Variants in DNAJA3 observed in about 807,000 individuals in gnomAD.
DNAJA3 encodes the protein dnaJ homolog subfamily A member 3, mitochondrial.
A neutral mutation model predicts 54.9 loss-of-function variants in DNAJA3; 29 were observed. That is an observed-to-expected ratio of 0.53 (90% CI 0.39 to 0.72). The LOEUF (loss-of-function observed/expected upper bound fraction) is 0.72. Ranked by LOEUF, DNAJA3 falls within the 30% of genes least tolerant of loss-of-function variation. The pLI is 0.00. For synonymous variants in DNAJA3, 302 were observed against 251.4 expected, an observed-to-expected ratio of 1.20 and a Z score of -1.90; for missense variants, 708 against 639.4, an observed-to-expected ratio of 1.11 and a Z score of -1.16.
intron 2 of DNAJA3, 91 bp from the exon 3 acceptor site, chr16:4,437,311 A>G: frequency 9.3e-7 from 1 of 1,073,974 alleles, no homozygotes; most frequent in East Asian, 2.5e-5. Context: ...TATGACTGGT[A>G]TTTGGGGTTC....
chr16:4,444,811 A>G, intron 7 of DNAJA3, 83 bp downstream of exon 7: 1 of 1,250,298 alleles, frequency 8.0e-7, no homozygotes, highest in Non-Finnish European at 1.1e-6. Context: ...CATGTAATCA[A>G]AGCTTCACAG....
Position 4,426,284 on chromosome 16 carries a change from G to C in DNAJA3, c.211+192G>C, listed in dbSNP as rs905616498. The stretch of plus-strand genomic sequence containing the variant: ...CTGCTCAGCCGTCAAGGAAGGGAGA[G>C]AAGCGTGGAGCCCCCGGCGGCGGTG... On this transcript the variant is annotated intron_variant, in intron 1 of 11. Transcript: ENST00000262375. Among the ~76,000 whole-genome samples the C allele has an allele frequency of 2.0e-5, 3 of 152,322 alleles. No individual in the cohort carries two copies. In the East Asian group the frequency reaches 5.8e-4, roughly 29 times the overall value.
intron 10 of DNAJA3, among the ~76,000 whole-genome samples, chr16:4,453,357 C>T (rs1221939673): frequency 6.6e-6 from 1 of 151,916 alleles, no homozygotes; most frequent in East Asian, 1.9e-4. Context: ...TTCTGGCGAA[C>T]AGAGAGGGAA....
intron 2 of DNAJA3, among the ~76,000 whole-genome samples, chr16:4,435,800 G>A (rs934003756): frequency 6.6e-6 from 1 of 152,196 alleles, no homozygotes; most frequent in Non-Finnish European, 1.5e-5. Flanking sequence ...TCATATGTAA[G>A]TTTTTGTGTA....
At chr16:4,444,362 T>A (rs1315763973) in intron 6 of DNAJA3, among the ~76,000 whole-genome samples, 1 of 149,670 alleles carries the variant, frequency 6.7e-6, no homozygotes, top group African/African-American at 2.4e-5. Context: ...TTTTTTTTTT[T>A]AAGACGGAGT....
In DNAJA3 at chr16:4,425,999, AGCCGCAAGCTGAGCGTCCCC is replaced by A; in HGVS notation, c.122_141del (p.Arg41LeufsTer28). On this transcript the variant is annotated frameshift_variant, in exon 1 of 12. Coordinates refer to ENST00000262375, the MANE Select transcript of DNAJA3 (RefSeq NM_005147.6). LOFTEE classifies it high-confidence loss of function. Reference sequence around the variant, plus strand: ...GGAGGGCGTGGTGGGGGCATGGCTGAGCCGCAAGCTGAGCGTCCCCGCCTTTGCGTCTTCCCTGACCTCTT... The same window carrying A: ...GGAGGGCGTGGTGGGGGCATGGCTGAGCCTTTGCGTCTTCCCTGACCTCTT... 6.2e-7 allele frequency: 1 copy of A among 1,603,428 alleles called. No homozygotes were observed. The highest frequency in any genetic ancestry group is 2.3e-5 in the East Asian group (1 of 44,040).
chr16:4,452,964 A>G (rs1156241117), intron 10 of DNAJA3, among the ~76,000 whole-genome samples: 1 of 152,218 alleles, frequency 6.6e-6, no homozygotes, highest in Non-Finnish European at 1.5e-5. Flanking sequence ...TAAGTCTCTC[A>G]TTATACTGTG....
At chr16:4,440,202 G>C (rs559302334) in intron 3 of DNAJA3, 2 of 151,996 alleles carry the variant, frequency 1.3e-5, no homozygotes, top group African/African-American at 4.8e-5. Flanking sequence ...GCCTCCCAAA[G>C]TCCTGGGATT....
rs1436246393 is a variant in DNAJA3 at position 4,441,346 on chromosome 16, A to T, written c.430-29A>T. 3.8e-6 allele frequency: 6 copies of T among 1,594,780 alleles called. No individual in the cohort carries two copies. The Admixed American group carries it at 1.0e-4, about 28-fold the overall frequency. On this transcript the variant is annotated intron_variant, in intron 3 of 11. Coordinates refer to ENST00000262375, the MANE Select transcript of DNAJA3 (RefSeq NM_005147.6). ...ATTCCTGGGCCTTGGTAGACCTGGGATGCCCAGTGGCTCTGCCTTTCACTG... is the reference window on the plus strand; with the variant it reads ...ATTCCTGGGCCTTGGTAGACCTGGGTTGCCCAGTGGCTCTGCCTTTCACTG...
intron 9 of DNAJA3, among the ~76,000 whole-genome samples, chr16:4,449,186 T>C (rs965601635): frequency 4.0e-5 from 6 of 150,894 alleles, no homozygotes; most frequent in Admixed American, 1.3e-4. Context: ...TTAGTAGAGA[T>C]GGGGTTTCAC....
At chr16:4,450,164 T>C in intron 9 of DNAJA3, 1 of 469,258 alleles carries the variant, frequency 2.1e-6, no homozygotes, top group Non-Finnish European at 3.8e-6. Context: ...GTATTTAGCA[T>C]AGCCACAGTG....
intron 8 of DNAJA3, among the ~76,000 whole-genome samples, chr16:4,448,261 G>A (rs1027872666): frequency 3.3e-5 from 5 of 151,312 alleles, no homozygotes; most frequent in East Asian, 1.9e-4. Context: ...ACCTGACCTC[G>A]TGATCTGCCT....
intron 2 of DNAJA3, 58 bp downstream of exon 2, chr16:4,434,575 A>G (rs1184502419): frequency 6.3e-6 from 10 of 1,587,176 alleles, no homozygotes; most frequent in East Asian, 2.2e-5. Context: ...TGTTGATCCC[A>G]TGTGATCCTG....
intron 3 of DNAJA3, among the ~76,000 whole-genome samples, chr16:4,439,405 G>A (rs1308086778): frequency 6.6e-6 from 1 of 151,926 alleles, no homozygotes; most frequent in East Asian, 1.9e-4. Flanking sequence ...CTAGGCTGGA[G>A]TGTAGTGGCG....
Position 4,444,666 on chromosome 16 carries a change from G to C in DNAJA3, c.934G>C (p.Val312Leu). 1 of 1,614,112 alleles carries C rather than the reference G, an allele frequency of 6.2e-7. No individual in the cohort carries two copies. The highest frequency in any genetic ancestry group is 8.5e-7 in the Non-Finnish European group (1 of 1,179,966). Residue 312 changes from valine (V) to leucine (L), a missense_variant and splice_region_variant, in exon 7 of 12, where the codon GTC becomes CTC. Physicochemically the swap from Val to Leu is conservative, Grantham distance 32. Transcript: ENST00000262375. ...KRVMIPVPAGVEDGQTVRMPV... is the reference protein window; with the variant it reads ...KRVMIPVPAGLEDGQTVRMPV... ...TCCCTTTCTAATGTCCCTTGTAGGAGTCGAGGATGGCCAGACCGTGAGGAT... is the reference window on the plus strand; with the variant it reads ...TCCCTTTCTAATGTCCCTTGTAGGACTCGAGGATGGCCAGACCGTGAGGAT...
At chr16:4,437,062 C>T (rs2056780087) in intron 2 of DNAJA3, among the ~76,000 whole-genome samples, 1 of 152,162 alleles carries the variant, frequency 6.6e-6, no homozygotes, top group Admixed American at 6.5e-5. Flanking sequence ...CCTCCACCTC[C>T]CAGGTTCAAG....
rs2056745913 is a variant in DNAJA3, at chr16:4,434,399, C to G, written c.227C>G (p.Pro76Arg). 1.9e-6 allele frequency: 3 copies of G among 1,612,722 alleles called. No homozygotes were observed. The highest frequency in any genetic ancestry group is 2.5e-6 in the Non-Finnish European group (3 of 1,179,742). ...TCCTTTTTAGGAACAAAACATAACC[C>G]TTTCATTTGTACTGCCTCCTTCCAC... The part of the protein sequence containing the change: ...GVSLTGTKHN[P>R]FICTASFHTS... Residue 76 changes from proline (P) to arginine (R), a missense_variant, in exon 2 of 12, where the codon CCT becomes CGT. Pro to Arg is a moderately radical substitution (Grantham distance 103). Transcript: ENST00000262375.
At chr16:4,432,688 A>G (rs1309644351) in intron 1 of DNAJA3, among the ~76,000 whole-genome samples, 5 of 151,948 alleles carry the variant, frequency 3.3e-5, no homozygotes, top group Non-Finnish European at 5.9e-5. Flanking sequence ...AAACACCTCC[A>G]GTCTGGGCGT....
chr16:4,450,413 C>A lies in DNAJA3; in HGVS notation c.1255C>A (p.Arg419=). ...KIRVPKRLTS[R]QQSLILSYAE... ...CTCGGTCCACAGGAGGCTAACGAGC[C>A]GGCAGCAGAGCCTGATCCTGAGCTA... is the stretch of plus-strand genomic sequence containing the variant. The change falls in exon 10 of 12, where the codon CGG becomes AGG. Residue 419 remains arginine, a synonymous_variant. Transcript: ENST00000262375. 2 of 1,609,258 alleles carry A rather than the reference C, an allele frequency of 1.2e-6. No individual in the cohort carries two copies. The highest frequency in any genetic ancestry group is 1.7e-5 in the Admixed American group (1 of 59,442).
Sources: allele counts gnomAD v4.1 joint callset (sites outside exome capture counted in the v4.1 genomes callset), GRCh38; gene constraint gnomAD v4.1.1; transcripts MANE v1.5; gene names NCBI Gene and HGNC (gene_info 2026-07-23, HGNC 2026-07-21).